The following BNC2 variants were observed in gnomAD, a reference collection of about 807,000 sequenced individuals.
The protein encoded by BNC2 is zinc finger protein basonuclin-2.
BNC2 carries 20 observed loss-of-function variants against 76.3 expected under a neutral mutation model. The observed-to-expected ratio is 0.26, with a 90% CI of 0.18 to 0.38. The LOEUF is 0.38. Ranked by LOEUF, BNC2 falls within the 10% of genes least tolerant of loss-of-function variation. The probability of loss-of-function intolerance (pLI) is 1.00; values close to 1 mark genes in which losing one functional copy is unlikely to be tolerated. For synonymous variants in BNC2, 582 were observed against 514.8 expected, an observed-to-expected ratio of 1.13 and a Z score of -1.77; for missense variants, 1,382 against 1,399.8, an observed-to-expected ratio of 0.99 and a Z score of 0.20.
chr9:16,642,728 T>C (rs1025854844), intron 3 of BNC2, among the ~76,000 whole-genome samples: 2 of 152,202 alleles, frequency 1.3e-5, no homozygotes, highest in Non-Finnish European at 2.9e-5. Context: ...TTTCTTAATT[T>C]TGGCTTTCAA....
intron 5 of BNC2, among the ~76,000 whole-genome samples, chr9:16,521,850 C>T (rs1354045065): frequency 6.6e-6 from 1 of 152,128 alleles, no homozygotes; most frequent in Non-Finnish European, 1.5e-5. Context: ...TAGCTGCAAC[C>T]GTTTTTAAAT....
At chr9:16,749,320 C>T (rs1035469246) in intron 1 of BNC2, among the ~76,000 whole-genome samples, 2 of 152,134 alleles carry the variant, frequency 1.3e-5, no homozygotes, top group African/African-American at 4.8e-5. Flanking sequence ...TATCCAGGAA[C>T]ATACGTTATT....
Position 16,862,773 on chromosome 9 carries a change from C to A in BNC2, c.3+7873G>T, listed in dbSNP as rs533689328. 2.0e-5 allele frequency among the ~76,000 whole-genome samples: 3 copies of A among 152,204 alleles called. No homozygotes were observed. The East Asian group carries it at 5.8e-4, about 29-fold the overall frequency. ...TCACAAGTCCCTCTTTTCTCTTCTA[C>A]TACTCCCAACACAAACCATAATAAA... On this transcript the variant is annotated intron_variant, in intron 1 of 6. Transcript: ENST00000380672.
chr9:16,446,421 T>G (rs898497408), intron 5 of BNC2, among the ~76,000 whole-genome samples: 1 of 152,140 alleles, frequency 6.6e-6, no homozygotes, highest in African/African-American at 2.4e-5. Flanking sequence ...GACTTTGAAG[T>G]AGTGGCTTTG....
intron 6 of BNC2, among the ~76,000 whole-genome samples, chr9:16,428,949 AGTAT>A (rs1353577977): frequency 2.0e-5 from 3 of 152,186 alleles, no homozygotes; most frequent in Non-Finnish European, 4.4e-5. Context: ...TTTCCTAAAA[AGTAT>A]TCTTTCTTCC....
At chr9:16,732,081 A>C (rs1452449528) in intron 2 of BNC2, among the ~76,000 whole-genome samples, 1 of 150,184 alleles carries the variant, frequency 6.7e-6, no homozygotes, top group African/African-American at 2.5e-5. Flanking sequence ...TAATTCCCAC[A>C]ACCGTTTAAA....
intron 3 of BNC2, among the ~76,000 whole-genome samples, chr9:16,632,894 T>C (rs1259930903): frequency 1.3e-5 from 2 of 152,118 alleles, no homozygotes; most frequent in East Asian, 3.9e-4. Context: ...AACAATATAA[T>C]CGAGTTTTAT....
chr9:16,819,885 G>C (rs990064754), intron 1 of BNC2, among the ~76,000 whole-genome samples: 2 of 151,712 alleles, frequency 1.3e-5, no homozygotes, highest in African/African-American at 4.8e-5. Flanking sequence ...AGTACTCTGG[G>C]AGGGCAAGGC....
intron 3 of BNC2, chr9:16,699,104 G>A: frequency 2.3e-6 from 1 of 439,402 alleles, no homozygotes; most frequent in Middle Eastern, 3.5e-4. Context: ...TGATTTTGTT[G>A]TTGCTGTTCT....
chr9:16,465,003 C>T (rs1402313382), intron 5 of BNC2, among the ~76,000 whole-genome samples: 1 of 152,170 alleles, frequency 6.6e-6, no homozygotes, highest in Non-Finnish European at 1.5e-5. Flanking sequence ...TAACACACGA[C>T]TTTTAATCAT....
intron 4 of BNC2, among the ~76,000 whole-genome samples, chr9:16,556,939 T>C (rs1430222692): frequency 6.6e-6 from 1 of 152,134 alleles, no homozygotes; most frequent in African/African-American, 2.4e-5. Context: ...CATGGAACTA[T>C]GATACATGAT....
rs115639269 is a variant in BNC2 at position 16,779,679 on chromosome 9, T to C, written c.4-41194A>G. ...CAAAGAAAATAATAAAATATTGATA[T>C]ATGGCACAACATGGATGAACCTTGA... On this transcript the variant is annotated intron_variant, in intron 1 of 6. Coordinates refer to ENST00000380672, the MANE Select transcript of BNC2 (RefSeq NM_017637.6). 4.7e-3 allele frequency among the ~76,000 whole-genome samples: 720 copies of C among 152,290 alleles called. 5 individuals carry two copies. The highest frequency in any genetic ancestry group is 0.016 in the African/African-American group (674 of 41,554).
intron 5 of BNC2, among the ~76,000 whole-genome samples, chr9:16,534,762 C>A (rs1259351403): frequency 6.6e-6 from 1 of 152,058 alleles, no homozygotes; most frequent in African/African-American, 2.4e-5. Context: ...GATATGATTT[C>A]TTTAAAAAAC....
intron 1 of BNC2, among the ~76,000 whole-genome samples, chr9:16,813,483 A>T (rs992154379): frequency 2.1e-4 from 32 of 151,862 alleles, no homozygotes; most frequent in East Asian, 4.0e-4. Context: ...GCCAGGATGG[A>T]CTCGATCGCC....
rs141245559 is a variant in BNC2, at chr9:16,525,077, G to GT, written c.669+27452_669+27453insA. Among the ~76,000 whole-genome samples, 9 of 77,128 alleles carry GT rather than the reference G, an allele frequency of 1.2e-4. No individual in the cohort carries two copies. In the East Asian group the frequency reaches 2.6e-3, roughly 22 times the overall value. The allele number at this position is 77,128 out of a possible 152,430, so 50.6% of individuals were successfully genotyped here. On this transcript the variant is annotated intron_variant, in intron 5 of 6. Coordinates refer to ENST00000380672, the MANE Select transcript of BNC2 (RefSeq NM_017637.6). ...ACAGACAGAGACCCGGAGTGGGGGA[G>GT]GGGGGGGGAAGGAGATTGAAATTCA...
rs1275499970 is a variant in BNC2 at position 16,414,809 on chromosome 9, G to A, written c.*4180C>T. The A allele has an allele frequency of 1.3e-5, 2 of 151,956 alleles. No homozygotes were observed. The highest frequency in any genetic ancestry group is 6.6e-5 in the Admixed American group (1 of 15,256). 9.4% of individuals were successfully genotyped at this position (151,956 alleles called of 1,614,324 possible). ...CATTTGCTTGGCACATATCTGGGGT[G>A]TGTACAGAGAAAGGGGAAAAAAAGG... On this transcript the variant is annotated 3_prime_UTR_variant, in exon 7 of 7. Coordinates refer to ENST00000380672, the MANE Select transcript of BNC2 (RefSeq NM_017637.6).
At chr9:16,644,627 G>C (rs1190538809) in intron 3 of BNC2, among the ~76,000 whole-genome samples, 1 of 152,062 alleles carries the variant, frequency 6.6e-6, no homozygotes, top group Admixed American at 6.6e-5. Flanking sequence ...CTTTAAACTA[G>C]TCATAACAAA....
At chr9:16,493,953 G>A (rs916990329) in intron 5 of BNC2, among the ~76,000 whole-genome samples, 2 of 152,142 alleles carry the variant, frequency 1.3e-5, no homozygotes, top group African/African-American at 2.4e-5. Context: ...CGAGGGTAGA[G>A]AGGCAGGCAG....
At chr9:16,554,672 G>A (rs139148522) in intron 4 of BNC2, among the ~76,000 whole-genome samples, 2 of 152,272 alleles carry the variant, frequency 1.3e-5, no homozygotes, top group East Asian at 1.9e-4. Context: ...TCTTCTTCAA[G>A]TACAGCTTAA....
Sources: allele counts gnomAD v4.1 joint callset (sites outside exome capture counted in the v4.1 genomes callset), GRCh38; gene constraint gnomAD v4.1.1; transcripts MANE v1.5; gene names NCBI Gene and HGNC (gene_info 2026-07-23, HGNC 2026-07-21).